Variants in PALLD observed in about 807,000 individuals in gnomAD.
PALLD encodes the protein palladin.
A neutral mutation model predicts 123.5 loss-of-function variants in PALLD; 61 were observed. The ratio of observed to expected loss-of-function variants is 0.49; its 90% CI spans 0.40 to 0.61. The LOEUF is 0.61. Ranked by LOEUF, PALLD falls within the 20% of genes least tolerant of loss-of-function variation. PALLD has a pLI of 0.00. For synonymous variants in PALLD, 465 were observed against 496.4 expected (o/e 0.94, Z 0.84); for missense variants, 1,273 against 1,377.0 (o/e 0.92, Z 1.20).
intron 2 of PALLD, among the ~76,000 whole-genome samples, chr4:168,603,150 T>A: frequency 6.6e-6 from 1 of 152,346 alleles, no homozygotes; most frequent in East Asian, 1.9e-4. Flanking sequence ...AATACATATT[T>A]ATCTCTAATT....
intron 3 of PALLD, among the ~76,000 whole-genome samples, chr4:168,675,676 A>T (rs767073528): frequency 6.6e-6 from 1 of 152,242 alleles, no homozygotes; most frequent in Non-Finnish European, 1.5e-5. Flanking sequence ...GGTGGTGCCT[A>T]GCACACAGTG....
intron 10 of PALLD, among the ~76,000 whole-genome samples, chr4:168,717,048 A>G (rs1185079972): frequency 6.6e-6 from 1 of 151,904 alleles, no homozygotes. Flanking sequence ...TGTTCCAATA[A>G]CTCATCCTCA....
At chr4:168,625,436 G>A (rs1775142187) in intron 2 of PALLD, among the ~76,000 whole-genome samples, 1 of 108,228 alleles carries the variant, frequency 9.2e-6, no homozygotes, top group Admixed American at 1.1e-4. Flanking sequence ...AGAGTGAAAG[G>A]TCAGCCTATG....
chr4:168,688,487 G>T (rs1053313928), intron 6 of PALLD, among the ~76,000 whole-genome samples: 2 of 152,140 alleles, frequency 1.3e-5, no homozygotes, highest in African/African-American at 4.8e-5. Context: ...ATGGCCAGAG[G>T]GGTCCTTGTA....
intron 2 of PALLD, among the ~76,000 whole-genome samples, chr4:168,567,407 CAT>C (rs767056188): frequency 6.7e-4 from 101 of 151,836 alleles, no homozygotes; most frequent in Non-Finnish European, 1.3e-3. Context: ...GGCCAAAAAA[CAT>C]ATGAAAAAAT....
intron 2 of PALLD, among the ~76,000 whole-genome samples, chr4:168,541,043 T>A (rs1193503554): frequency 6.6e-6 from 1 of 152,200 alleles, no homozygotes; most frequent in Admixed American, 6.5e-5. Flanking sequence ...GATTGCAGCC[T>A]CCCTGCTAAT....
At chr4:168,536,102 C>G (rs1037204536) in intron 2 of PALLD, among the ~76,000 whole-genome samples, 10 of 152,142 alleles carry the variant, frequency 6.6e-5, no homozygotes, top group Admixed American at 3.3e-4. Context: ...TTTCTGTTCC[C>G]CTTTGTTCAA....
chr4:168,632,869 C>G (rs1775971391), intron 2 of PALLD, among the ~76,000 whole-genome samples: 1 of 152,164 alleles, frequency 6.6e-6, no homozygotes, highest in Admixed American at 6.5e-5. Flanking sequence ...ACCCTGGCAC[C>G]TGAACACCCC....
At chr4:168,795,601 A>C (rs557226031) in intron 10 of PALLD, among the ~76,000 whole-genome samples, 8 of 152,316 alleles carry the variant, frequency 5.3e-5, no homozygotes, top group African/African-American at 1.9e-4. Context: ...TCCTATGTGG[A>C]TGAGCTCTAA....
At chr4:168,739,483 A>C (rs576499397) in intron 10 of PALLD, among the ~76,000 whole-genome samples, 18 of 152,222 alleles carry the variant, frequency 1.2e-4, no homozygotes, top group Non-Finnish European at 1.9e-4. Flanking sequence ...AGAAAAAATA[A>C]GTTCTAATGT....
At chr4:168,832,041 CCTGA>C in intron 10 of PALLD, 1 of 985,416 alleles carries the variant, frequency 1.0e-6, no homozygotes, top group Non-Finnish European at 1.2e-6. Context: ...CTCGGAGCCT[CCTGA>C]GTCACCCGGC....
At chr4:168,808,897 T>G (rs1210791861) in intron 10 of PALLD, among the ~76,000 whole-genome samples, 5 of 152,198 alleles carry the variant, frequency 3.3e-5, no homozygotes, top group Admixed American at 6.5e-5. Flanking sequence ...CAGTTCAAGA[T>G]GAGATTTGGG....
At position 168,709,160 on chromosome 4, in the gene PALLD, T is replaced by G; in HGVS notation, c.1621+13T>G. The G allele has an allele frequency of 6.2e-7, 1 of 1,610,720 alleles. No individual in the cohort carries two copies. The highest frequency in any genetic ancestry group is 8.5e-7 in the Non-Finnish European group (1 of 1,178,596). On this transcript the variant is annotated intron_variant, in intron 9 of 21. Coordinates refer to ENST00000505667, the MANE Select transcript of PALLD (RefSeq NM_001166108.2). Reference sequence around the variant, plus strand: ...GTTGTCACCTCAGGTATGTGAGGAGTAAAAAAAATGACTGGGTTCTGTTCC... The same window carrying G: ...GTTGTCACCTCAGGTATGTGAGGAGGAAAAAAAATGACTGGGTTCTGTTCC...
At chr4:168,912,718 T>C (rs1442495428) in intron 15 of PALLD, among the ~76,000 whole-genome samples, 3 of 152,214 alleles carry the variant, frequency 2.0e-5, no homozygotes, top group Admixed American at 6.5e-5. Context: ...CACTTATCAT[T>C]TGTGTTGGAA....
chr4:168,908,841 AC>A (rs2151360681), intron 15 of PALLD, among the ~76,000 whole-genome samples: 1 of 152,338 alleles, frequency 6.6e-6, no homozygotes, highest in East Asian at 1.9e-4. Context: ...AAGGGTGAGA[AC>A]CAAGGAGGGA....
intron 2 of PALLD, among the ~76,000 whole-genome samples, chr4:168,534,994 A>C (rs1017039081): frequency 6.6e-6 from 1 of 152,224 alleles, no homozygotes; most frequent in African/African-American, 2.4e-5. Context: ...GAACATTTAC[A>C]GACCTTTTTT....
intron 10 of PALLD, among the ~76,000 whole-genome samples, chr4:168,804,424 T>C (rs2150700758): frequency 6.6e-6 from 1 of 151,420 alleles, no homozygotes; most frequent in African/African-American, 2.4e-5. Flanking sequence ...AAGCCTATTA[T>C]TGTTCAATAC....
At chr4:168,508,020 T>C (rs575207360) in intron 1 of PALLD, among the ~76,000 whole-genome samples, 42 of 152,350 alleles carry the variant, frequency 2.8e-4, no homozygotes, top group African/African-American at 9.6e-4. Context: ...AAAGGTTTCC[T>C]GATCCTGACC....
At chr4:168,876,839 G>A (rs1751810290) in intron 10 of PALLD, among the ~76,000 whole-genome samples, 1 of 152,082 alleles carries the variant, frequency 6.6e-6, no homozygotes. Flanking sequence ...ACAGCTATTG[G>A]TCCCTATGTT....
Sources: gnomAD v4.1 joint callset for allele counts (sites outside exome capture counted in the v4.1 genomes callset) on GRCh38, gnomAD v4.1.1 for gene constraint, MANE v1.5 for transcripts, NCBI Gene and HGNC (gene_info 2026-07-23, HGNC 2026-07-21) for gene names.